Variants in MAGI1 observed in about 807,000 individuals in gnomAD.
MAGI1 encodes the protein membrane associated guanylate kinase, WW and PDZ domain containing 1.
Under a neutral mutation model 139.9 loss-of-function variants are expected in MAGI1, and 58 were observed. That is an observed-to-expected ratio of 0.41 (90% CI 0.34 to 0.52). The LOEUF is 0.52. Among genes scored for constraint, MAGI1 ranks in the 20% least tolerant of loss-of-function variants. The pLI, the probability that MAGI1 is intolerant of heterozygous loss-of-function variation, is 0.12. For synonymous variants in MAGI1, 812 were observed against 737.9 expected (o/e 1.10, Z -1.63); for missense variants, 1,874 against 1,901.6 (o/e 0.99, Z 0.27).
intron 1 of MAGI1, among the ~76,000 whole-genome samples, chr3:65,992,773 T>C (rs1164662512): frequency 1.3e-5 from 2 of 152,198 alleles, no homozygotes; most frequent in East Asian, 1.9e-4. Context: ...GCAGAGACTT[T>C]ATCAGAAATT....
At chr3:65,731,417 C>A (rs1368415848) in intron 1 of MAGI1, among the ~76,000 whole-genome samples, 1 of 151,304 alleles carries the variant, frequency 6.6e-6, no homozygotes, top group Non-Finnish European at 1.5e-5. Context: ...CTTTGGGAGG[C>A]TGAGGTGGGT....
intron 1 of MAGI1, among the ~76,000 whole-genome samples, chr3:65,785,244 T>C (rs992154483): frequency 5.3e-5 from 8 of 152,158 alleles, no homozygotes; most frequent in Non-Finnish European, 1.0e-4. Context: ...AGGAGAAGCA[T>C]ATATAACCAC....
At chr3:65,830,057 G>A (rs1163041429) in intron 1 of MAGI1, among the ~76,000 whole-genome samples, 4 of 152,154 alleles carry the variant, frequency 2.6e-5, no homozygotes, top group African/African-American at 9.7e-5. Context: ...TTATGCAGAT[G>A]AAGCCTGGTA....
chr3:65,966,803 A>T (rs1333735710), intron 1 of MAGI1, among the ~76,000 whole-genome samples: 1 of 152,256 alleles, frequency 6.6e-6, no homozygotes, highest in Non-Finnish European at 1.5e-5. Flanking sequence ...GCACAGTACC[A>T]GGCACACAGT....
At chr3:65,979,488 T>G (rs1208364968) in intron 1 of MAGI1, among the ~76,000 whole-genome samples, 1 of 152,224 alleles carries the variant, frequency 6.6e-6, no homozygotes, top group Non-Finnish European at 1.5e-5. Context: ...GAAACCTGAT[T>G]AACTTCTTTG....
chr3:66,020,298 A>C (rs2067893209), intron 1 of MAGI1, among the ~76,000 whole-genome samples: 1 of 152,148 alleles, frequency 6.6e-6, no homozygotes, highest in Non-Finnish European at 1.5e-5. Context: ...TTAGCAGGGC[A>C]TGGTGGTGCA....
chr3:65,916,273 T>C (rs962393843), intron 1 of MAGI1, among the ~76,000 whole-genome samples: 4 of 152,098 alleles, frequency 2.6e-5, no homozygotes, highest in Admixed American at 6.6e-5. Context: ...TTCGCCATGA[T>C]AGCTAGGCTG....
intron 1 of MAGI1, among the ~76,000 whole-genome samples, chr3:65,679,166 A>G (rs1242504592): frequency 6.6e-6 from 1 of 152,158 alleles, no homozygotes; most frequent in Non-Finnish European, 1.5e-5. Flanking sequence ...CTCAAAAAAA[A>G]ACAAAATAAA....
intron 1 of MAGI1, among the ~76,000 whole-genome samples, chr3:65,838,148 A>G (rs540939753): frequency 3.3e-5 from 5 of 152,180 alleles, no homozygotes; most frequent in Admixed American, 3.3e-4. Context: ...GTATTTTACT[A>G]AAAATACAAA....
At chr3:65,496,064 CAG>C (rs1952417222) in intron 2 of MAGI1, among the ~76,000 whole-genome samples, 1 of 152,170 alleles carries the variant, frequency 6.6e-6, no homozygotes, top group Non-Finnish European at 1.5e-5. Flanking sequence ...TTTTCAGAGA[CAG>C]AGTCTCGCTC....
At chr3:65,379,055 T>C (rs1203220845) in intron 17 of MAGI1, 11 of 1,026,600 alleles carry the variant, frequency 1.1e-5, no homozygotes, top group Non-Finnish European at 1.4e-5. Context: ...AGTGTGGAAG[T>C]TGAAAGGGTT....
At position 65,846,185 on chromosome 3, in the gene MAGI1, G is replaced by C. The variant is rs559990106; in HGVS notation, c.313+191811C>G. ...CCAGCAGCCACCAGCCCCTCCAACAGAAGGCAGTGGCTATGTGAAAGTATT... is the reference window on the plus strand; with the variant it reads ...CCAGCAGCCACCAGCCCCTCCAACACAAGGCAGTGGCTATGTGAAAGTATT... On this transcript the variant is annotated intron_variant, in intron 1 of 22. Coordinates refer to ENST00000402939, the MANE Select transcript of MAGI1 (RefSeq NM_001033057.2). 2.6e-5 allele frequency among the ~76,000 whole-genome samples: 4 copies of C among 152,306 alleles called. No individual in the cohort carries two copies. In the South Asian group the frequency reaches 8.3e-4, roughly 32 times the overall value.
intron 2 of MAGI1, among the ~76,000 whole-genome samples, chr3:65,504,088 A>G (rs2077184724): frequency 6.6e-6 from 1 of 152,238 alleles, no homozygotes; most frequent in Admixed American, 6.5e-5. Context: ...AAACAAAAAC[A>G]GCAGCTCAAG....
At chr3:65,730,756 G>A (rs1026815648) in intron 1 of MAGI1, among the ~76,000 whole-genome samples, 28 of 152,130 alleles carry the variant, frequency 1.8e-4, no homozygotes, top group African/African-American at 5.3e-4. Flanking sequence ...AAAGATCTAC[G>A]GATAAACAAA....
intron 18 of MAGI1, among the ~76,000 whole-genome samples, chr3:65,370,630 T>C (rs1941893028): frequency 6.6e-6 from 1 of 152,198 alleles, no homozygotes; most frequent in Non-Finnish European, 1.5e-5. Flanking sequence ...AAGTTTTTTT[T>C]CCAGGGTATT....
At chr3:65,423,123 T>C (rs754571369) in intron 12 of MAGI1, among the ~76,000 whole-genome samples, 15 of 152,102 alleles carry the variant, frequency 9.9e-5, no homozygotes, top group Admixed American at 6.6e-4. Flanking sequence ...TGGGAACATA[T>C]AGGACCCCAA....
chr3:66,028,084 C>T (rs754999381), intron 1 of MAGI1, among the ~76,000 whole-genome samples: 2 of 152,170 alleles, frequency 1.3e-5, no homozygotes, highest in African/African-American at 4.8e-5. Flanking sequence ...GCAGGCAGAT[C>T]GCTTGAGCCC....
At chr3:65,979,095 C>A (rs1411230390) in intron 1 of MAGI1, among the ~76,000 whole-genome samples, 1 of 57,750 alleles carries the variant, frequency 1.7e-5, no homozygotes, top group African/African-American at 4.6e-5. Flanking sequence ...TCTTCCCCCC[C>A]CCCGCCACCC....
chr3:65,885,577 C>G (rs2060497352), intron 1 of MAGI1, among the ~76,000 whole-genome samples: 1 of 151,922 alleles, frequency 6.6e-6, no homozygotes, highest in Admixed American at 6.6e-5. Flanking sequence ...GTGGGAGGTA[C>G]CTTAATCATG....
Sources: gnomAD v4.1 joint callset for allele counts (sites outside exome capture counted in the v4.1 genomes callset) on GRCh38, gnomAD v4.1.1 for gene constraint, MANE v1.5 for transcripts, NCBI Gene and HGNC (gene_info 2026-07-23, HGNC 2026-07-21) for gene names.